PRKAA1: variants seen among roughly 807,000 people sequenced by gnomAD.
PRKAA1 encodes the protein protein kinase AMP-activated catalytic subunit alpha 1.
Under a neutral mutation model 56.9 loss-of-function variants are expected in PRKAA1, and 23 were observed. The ratio of observed to expected loss-of-function variants is 0.40; its 90% CI spans 0.29 to 0.57. PRKAA1 has a LOEUF of 0.57. Among genes scored for constraint, PRKAA1 ranks in the 20% least tolerant of loss-of-function variants. PRKAA1 has a pLI of 0.39. For synonymous variants in PRKAA1, 226 were observed against 227.0 expected (o/e 1.00, Z 0.04); for missense variants, 413 against 679.7 (o/e 0.61, Z 4.36).
intron 3 of PRKAA1, 25 bp from the exon 4 acceptor site, chr5:40,771,888 T>TAAA: frequency 6.2e-7 from 1 of 1,601,826 alleles, no homozygotes. Flanking sequence ...AGAGGCTTTT[T>TAAA]AAAGGTGTGT....
rs1161091197 is a variant in PRKAA1 at position 40,761,603 on chromosome 5, A to C, written c.*1175T>G. On this transcript the variant is annotated 3_prime_UTR_variant, in exon 9 of 9. Transcript: ENST00000397128. The stretch of plus-strand genomic sequence containing the variant: ...TCTGTTTTTAAAAATGTTCATAATA[A>C]AATTTGGGGGGGAAGTCATATCAGA... 6.6e-6 allele frequency: 1 copy of C among 152,166 alleles called. No individual in the cohort carries two copies. The highest frequency in any genetic ancestry group is 1.5e-5 in the Non-Finnish European group (1 of 68,028). The allele number at this position is 152,166 out of a possible 1,614,324, so 9.4% of individuals were successfully genotyped here. A position where few individuals can be genotyped will look rare whatever the true frequency, so the allele number is the denominator to read the frequency against.
At chr5:40,786,458 A>G (rs951757556) in intron 1 of PRKAA1, among the ~76,000 whole-genome samples, 18 of 152,138 alleles carry the variant, frequency 1.2e-4, no homozygotes, top group African/African-American at 4.3e-4. Flanking sequence ...TAGTTAGTTT[A>G]TCAGTTGAAA....
intron 1 of PRKAA1, among the ~76,000 whole-genome samples, chr5:40,797,479 A>G (rs940022871): frequency 1.3e-5 from 2 of 152,180 alleles, no homozygotes; most frequent in African/African-American, 4.8e-5. Context: ...GAAGGAAACC[A>G]GTGATCCTTT....
At chr5:40,767,382 A>ATTC (rs1278075059) in intron 6 of PRKAA1, 84 bp downstream of exon 6, 1 of 1,157,450 alleles carries the variant, frequency 8.6e-7, no homozygotes. Context: ...TACACTGTAT[A>ATTC]TTCTGTTCTG....
intron 1 of PRKAA1, among the ~76,000 whole-genome samples, chr5:40,793,526 T>C (rs532345022): frequency 6.6e-6 from 1 of 152,266 alleles, no homozygotes; most frequent in South Asian, 2.1e-4. Context: ...CATATCAATA[T>C]CATATATTTT....
chr5:40,796,068 G>C (rs537991212), intron 1 of PRKAA1, among the ~76,000 whole-genome samples: 1 of 152,314 alleles, frequency 6.6e-6, no homozygotes, highest in East Asian at 1.9e-4. Flanking sequence ...TGTAATCCCA[G>C]CACTTTGGGA....
intron 1 of PRKAA1, among the ~76,000 whole-genome samples, chr5:40,793,417 G>C (rs1487167196): frequency 6.6e-6 from 1 of 151,976 alleles, no homozygotes; most frequent in Non-Finnish European, 1.5e-5. Context: ...CAAATTTTTT[G>C]GCCTGTAACA....
intron 1 of PRKAA1, among the ~76,000 whole-genome samples, chr5:40,792,117 G>A (rs981472129): frequency 6.6e-6 from 1 of 152,132 alleles, no homozygotes; most frequent in African/African-American, 2.4e-5. Flanking sequence ...AACCAGTCTT[G>A]TGTGTATCTT....
rs1287780897 is a variant in PRKAA1, at chr5:40,759,849, A to T, written c.*2929T>A. 6.6e-6 allele frequency: 1 copy of T among 152,308 alleles called. No homozygotes were observed. Among genetic ancestry groups the T allele is most frequent in the Non-Finnish European group, 1.5e-5 (1 of 68,040 alleles). The allele number at this position is 152,308 out of a possible 1,614,324, so 9.4% of individuals were successfully genotyped here. A position where few individuals can be genotyped will look rare whatever the true frequency, so the allele number is the denominator to read the frequency against. On this transcript the variant is annotated 3_prime_UTR_variant, in exon 9 of 9. Coordinates refer to ENST00000397128, the MANE Select transcript of PRKAA1 (RefSeq NM_006251.6). Reference sequence around the variant, plus strand: ...AGGTAAAAGCAATGGAGTTTATTTCAGTGAAATTATTTTAAATTAGATATG... The same window carrying T: ...AGGTAAAAGCAATGGAGTTTATTTCTGTGAAATTATTTTAAATTAGATATG...
At chr5:40,786,460 CA>C (rs1744489256) in intron 1 of PRKAA1, among the ~76,000 whole-genome samples, 1 of 151,862 alleles carries the variant, frequency 6.6e-6, no homozygotes, top group African/African-American at 2.4e-5. Context: ...GTTAGTTTAT[CA>C]GTTGAAAAGT....
chr5:40,777,918 CA>C, intron 1 of PRKAA1, among the ~76,000 whole-genome samples: 1 of 152,226 alleles, frequency 6.6e-6, no homozygotes, highest in East Asian at 1.9e-4. Flanking sequence ...ACTAAAAATA[CA>C]AAAAATTGGC....
chr5:40,796,378 C>T (rs1422529924), intron 1 of PRKAA1, among the ~76,000 whole-genome samples: 1 of 151,884 alleles, frequency 6.6e-6, no homozygotes, highest in African/African-American at 2.4e-5. Context: ...GCATTCAAGT[C>T]TATATTAGGG....
At chr5:40,797,990 A>T in intron 1 of PRKAA1, 73 bp downstream of exon 1, 1 of 1,552,764 alleles carries the variant, frequency 6.4e-7, no homozygotes, top group East Asian at 2.5e-5. Context: ...GCGGGGGAGG[A>T]TGAAGAGGTG....
chr5:40,763,532 A>G (rs1476980420), intron 8 of PRKAA1, among the ~76,000 whole-genome samples: 1 of 152,146 alleles, frequency 6.6e-6, no homozygotes. Context: ...TTTACTTTCC[A>G]CTTTCCCTTC....
In PRKAA1 at chr5:40,765,748, G is replaced by T. The variant is rs538266635; in HGVS notation, c.822-510C>A. 1.8e-4 allele frequency among the ~76,000 whole-genome samples: 12 copies of T among 65,438 alleles called. No homozygotes were observed. The South Asian group carries it at 6.1e-3, about 33-fold the overall frequency. The allele number at this position is 65,438 out of a possible 152,430, so 42.9% of individuals were successfully genotyped here. A position where few individuals can be genotyped will look rare whatever the true frequency, so the allele number is the denominator to read the frequency against. On this transcript the variant is annotated intron_variant, in intron 6 of 8. Coordinates refer to ENST00000397128, the MANE Select transcript of PRKAA1 (RefSeq NM_006251.6). Reference sequence around the variant, plus strand: ...TCTTTGTTTTAAATGAAGGAATTGAGGTTAAAAAAAAAATCAAGGAACATG... The same window carrying T: ...TCTTTGTTTTAAATGAAGGAATTGATGTTAAAAAAAAAATCAAGGAACATG...
At position 40,766,404 on chromosome 5, in the gene PRKAA1, A is replaced by T. The variant is rs186579653; in HGVS notation, c.821+1062T>A. 4.2e-3 allele frequency among the ~76,000 whole-genome samples: 638 copies of T among 152,312 alleles called. 4 individuals are homozygous for T. The highest frequency in any genetic ancestry group is 0.015 in the African/African-American group (612 of 41,564). ...GACCAAAATTTCCACAGGGGGGAAA[A>T]AAAAGAAACAAGGCTTGCAATAAAA... On this transcript the variant is annotated intron_variant, in intron 6 of 8. Coordinates refer to ENST00000397128, the MANE Select transcript of PRKAA1 (RefSeq NM_006251.6).
At chr5:40,766,612 A>G (rs1743446569) in intron 6 of PRKAA1, among the ~76,000 whole-genome samples, 1 of 152,204 alleles carries the variant, frequency 6.6e-6, no homozygotes, top group Non-Finnish European at 1.5e-5. Context: ...ATGTCAATTA[A>G]ATCTCATTCC....
rs372277849 is a variant in PRKAA1, at chr5:40,791,129, G to A, written c.127+6934C>T. ...AACTAAACTGTTTTCTCAAAACCAG[G>A]CTAAATATTCTCCCCAGTGAGTAAA... is the stretch of plus-strand genomic sequence containing the variant. On this transcript the variant is annotated intron_variant, in intron 1 of 8. Coordinates refer to ENST00000397128, the MANE Select transcript of PRKAA1 (RefSeq NM_006251.6). 1.2e-3 allele frequency among the ~76,000 whole-genome samples: 178 copies of A among 152,270 alleles called. 2 individuals are homozygous for A. Among genetic ancestry groups the A allele is most frequent in the African/African-American group, 4.1e-3 (172 of 41,548 alleles).
Position 40,762,504 on chromosome 5 carries a change from TA to T in PRKAA1, c.*273del. The T allele has an allele frequency of 2.8e-6, 1 of 358,302 alleles. No homozygotes were observed. Among genetic ancestry groups the T allele is most frequent in the Non-Finnish European group, 5.2e-6 (1 of 193,582 alleles). The allele number at this position is 358,302 out of a possible 1,614,324, so 22.2% of individuals were successfully genotyped here. A position where few individuals can be genotyped will look rare whatever the true frequency, so the allele number is the denominator to read the frequency against. ...TTCAAAGCCCTGTGTACACTAAATATAAAATAGCCAAAAATCAAGTAAGCCT... is the reference window on the plus strand; with the variant it reads ...TTCAAAGCCCTGTGTACACTAAATATAAATAGCCAAAAATCAAGTAAGCCT... On this transcript the variant is annotated 3_prime_UTR_variant, in exon 9 of 9. Coordinates refer to ENST00000397128, the MANE Select transcript of PRKAA1 (RefSeq NM_006251.6).
Sources: allele counts gnomAD v4.1 joint callset (sites outside exome capture counted in the v4.1 genomes callset), GRCh38; gene constraint gnomAD v4.1.1; transcripts MANE v1.5; gene names NCBI Gene and HGNC (gene_info 2026-07-23, HGNC 2026-07-21).